HDAC9: variants seen among roughly 807,000 people sequenced by gnomAD.
The protein encoded by HDAC9 is histone deacetylase 9, also known as MEF-2 interacting transcription repressor (MITR) protein.
HDAC9 carries 41 observed loss-of-function variants against 139.4 expected under a neutral mutation model. That is an observed-to-expected ratio of 0.29 (90% confidence interval 0.23 to 0.38). HDAC9 has a LOEUF of 0.38. Among genes scored for constraint, HDAC9 ranks in the 10% least tolerant of loss-of-function variants. The pLI, the probability that HDAC9 is intolerant of heterozygous loss-of-function variation, is 1.00. For synonymous variants in HDAC9, 517 were observed against 476.2 expected (o/e 1.09, Z -1.12); for missense variants, 1,147 against 1,297.0 (o/e 0.88, Z 1.78).
chr7:18,372,561 T>A (rs116046999), intron 1 of HDAC9, among the ~76,000 whole-genome samples: 1,543 of 152,322 alleles, frequency 0.01, 30 homozygotes, highest in African/African-American at 0.035. Flanking sequence ...ACTCCTAGTG[T>A]CATTCTTGAA....
At chr7:18,339,802 AC>A (rs369727859) in intron 1 of HDAC9, among the ~76,000 whole-genome samples, 3 of 151,548 alleles carry the variant, frequency 2.0e-5, no homozygotes, top group Non-Finnish European at 4.4e-5. Context: ...GTTATTGCAC[AC>A]AATGTGGTCT....
intron 25 of HDAC9, among the ~76,000 whole-genome samples, chr7:18,990,863 T>C (rs1237975508): frequency 6.6e-6 from 1 of 152,240 alleles, no homozygotes; most frequent in Non-Finnish European, 1.5e-5. Context: ...CCTGGCCCCT[T>C]GTGCTTCCCA....
chr7:18,464,678 C>A (rs115236961), intron 1 of HDAC9, among the ~76,000 whole-genome samples: 2 of 152,086 alleles, frequency 1.3e-5, no homozygotes, highest in African/African-American at 4.8e-5. Context: ...TCAATTTAAT[C>A]AAAATTCTGG....
At chr7:18,772,981 C>T (rs557914408) in intron 16 of HDAC9, among the ~76,000 whole-genome samples, 31 of 152,124 alleles carry the variant, frequency 2.0e-4, no homozygotes, top group African/African-American at 6.0e-4. Flanking sequence ...ACAACACTCC[C>T]TACAGAGATA....
chr7:18,927,332 C>A (rs1199253158), intron 22 of HDAC9, among the ~76,000 whole-genome samples: 1 of 152,118 alleles, frequency 6.6e-6, no homozygotes, highest in East Asian at 1.9e-4. Context: ...CCATCTGCAA[C>A]AATCAGATTC....
intron 7 of HDAC9, among the ~76,000 whole-genome samples, chr7:18,631,343 T>C (rs1172213575): frequency 6.6e-6 from 1 of 152,038 alleles, no homozygotes; most frequent in Non-Finnish European, 1.5e-5. Flanking sequence ...GATGCTTTGG[T>C]AGATATTTTT....
chr7:18,859,032 G>A (rs1797895907), intron 21 of HDAC9, among the ~76,000 whole-genome samples: 1 of 152,116 alleles, frequency 6.6e-6, no homozygotes, highest in South Asian at 2.1e-4. Context: ...GTGATCTTTG[G>A]ATTCAGACAG....
intron 2 of HDAC9, among the ~76,000 whole-genome samples, chr7:18,190,103 C>A (rs1011244349): frequency 1.3e-5 from 2 of 152,022 alleles, no homozygotes; most frequent in South Asian, 2.1e-4. Flanking sequence ...CCATGCCTGG[C>A]AAATTATTTT....
chr7:18,117,689 C>T (rs148155061), intron 1 of HDAC9, among the ~76,000 whole-genome samples: 151 of 152,176 alleles, frequency 9.9e-4, no homozygotes, highest in African/African-American at 3.3e-3. Flanking sequence ...AGGAAGGACT[C>T]CATCCAGAGT....
At chr7:18,415,225 T>C (rs971270528) in intron 1 of HDAC9, among the ~76,000 whole-genome samples, 3 of 152,214 alleles carry the variant, frequency 2.0e-5, no homozygotes, top group African/African-American at 7.2e-5. Context: ...GTGATGTAGT[T>C]CTCGATGGCT....
At chr7:18,523,500 AATT>A (rs1805749446) in intron 2 of HDAC9, among the ~76,000 whole-genome samples, 1 of 152,170 alleles carries the variant, frequency 6.6e-6, no homozygotes, top group Admixed American at 6.5e-5. Flanking sequence ...TTCATTCATT[AATT>A]ATTTTTTGAG....
At chr7:18,585,956 A>G (rs752676210) in intron 3 of HDAC9, among the ~76,000 whole-genome samples, 6 of 152,164 alleles carry the variant, frequency 3.9e-5, no homozygotes, top group Non-Finnish European at 8.8e-5. Flanking sequence ...AAAAACAAAC[A>G]TGGTGTATAA....
rs59255369 is a variant in HDAC9, at chr7:18,734,420, C to T, written c.1909+6663C>T. 3.5e-4 allele frequency among the ~76,000 whole-genome samples: 54 copies of T among 152,238 alleles called. 1 individual carries two copies. The East Asian group carries it at 7.5e-3, about 21-fold the overall frequency. ...ACAGGCCCTGGTGTGTGATGATCCC[C>T]GCCCTGAGTCCAAGTGTTCTCACTG... On this transcript the variant is annotated intron_variant, in intron 13 of 25. Transcript: ENST00000686413.
chr7:18,194,279 T>A (rs1360389337), intron 2 of HDAC9, among the ~76,000 whole-genome samples: 1 of 152,354 alleles, frequency 6.6e-6, no homozygotes, highest in East Asian at 1.9e-4. Context: ...TTTCTTCCCA[T>A]GTTTGGAATT....
intron 1 of HDAC9, among the ~76,000 whole-genome samples, chr7:18,457,148 G>A (rs560708216): frequency 6.6e-6 from 1 of 152,222 alleles, no homozygotes; most frequent in Non-Finnish European, 1.5e-5. Context: ...GATTAACTCA[G>A]CATGTCCATT....
In HDAC9 at chr7:18,705,313, A is replaced by G. The variant is rs558304436; in HGVS notation, c.1732-22267A>G. On this transcript the variant is annotated intron_variant, in intron 12 of 25. Coordinates refer to ENST00000686413, the MANE Select transcript of HDAC9 (RefSeq NM_178425.4). ...CCCTGACTCCTCCTTACTAAGTGCT[A>G]GTAACACCCTTCTTCCCTACCTCAC... Among the ~76,000 whole-genome samples, 180 of 152,250 alleles carry G rather than the reference A, an allele frequency of 1.2e-3. 1 individual carries two copies. The highest frequency in any genetic ancestry group is 4.2e-3 in the African/African-American group (173 of 41,552).
intron 6 of HDAC9, among the ~76,000 whole-genome samples, chr7:18,628,347 A>G (rs1482300250): frequency 6.6e-6 from 1 of 152,138 alleles, no homozygotes; most frequent in Non-Finnish European, 1.5e-5. Context: ...TCAAATTATA[A>G]ATAGGCATAG....
chr7:18,747,000 G>T (rs1788030828), intron 13 of HDAC9, among the ~76,000 whole-genome samples: 1 of 152,086 alleles, frequency 6.6e-6, no homozygotes, highest in Non-Finnish European at 1.5e-5. Flanking sequence ...AAAAAGATTA[G>T]CCAAATGAGG....
At position 18,996,208 on chromosome 7, in the gene HDAC9, G is replaced by C; in HGVS notation, c.*146G>C. 2 of 562,102 alleles carry C rather than the reference G, an allele frequency of 3.6e-6. No homozygotes were observed. The highest frequency in any genetic ancestry group is 4.4e-5 in the South Asian group (2 of 45,878). The allele number at this position is 562,102 out of a possible 1,614,324, so 34.8% of individuals were successfully genotyped here. On this transcript the variant is annotated 3_prime_UTR_variant, in exon 26 of 26. Coordinates refer to ENST00000686413, the MANE Select transcript of HDAC9 (RefSeq NM_178425.4). Reference sequence around the variant, plus strand: ...ACTGGGCACAAAATTCTGAACAGCAGCTTCACTTGTTCTTTGGATGGACTT... The same window carrying C: ...ACTGGGCACAAAATTCTGAACAGCACCTTCACTTGTTCTTTGGATGGACTT...
Sources: gnomAD v4.1 joint callset for allele counts (sites outside exome capture counted in the v4.1 genomes callset) on GRCh38, gnomAD v4.1.1 for gene constraint, MANE v1.5 for transcripts, NCBI Gene and HGNC (gene_info 2026-07-23, HGNC 2026-07-21) for gene names.